Variants in NRP1 observed in about 807,000 individuals in gnomAD.
NRP1 encodes the protein neuropilin 1.
Under a neutral mutation model 106.7 loss-of-function variants are expected in NRP1, and 35 were observed. The ratio of observed to expected loss-of-function variants is 0.33; its 90% CI spans 0.25 to 0.43. NRP1 has a LOEUF of 0.43. Among genes scored for constraint, NRP1 ranks in the 20% least tolerant of loss-of-function variants. The pLI is 1.00. For missense variants in NRP1, 1,024 were observed against 1,170.4 expected, an observed-to-expected ratio of 0.87 and a Z score of 1.83; for synonymous variants, 437 against 417.9, an observed-to-expected ratio of 1.05 and a Z score of -0.56.
chr10:33,224,548 C>CTTTTTTT (rs34104704), intron 7 of NRP1, among the ~76,000 whole-genome samples: 2 of 143,160 alleles, frequency 1.4e-5, no homozygotes, highest in Non-Finnish European at 3.0e-5. Flanking sequence ...CCATTTTGTT[C>CTTTTTTT]TTTTTTTTTT....
intron 2 of NRP1, among the ~76,000 whole-genome samples, chr10:33,287,484 G>C (rs921521952): frequency 3.9e-5 from 6 of 152,184 alleles, no homozygotes; most frequent in African/African-American, 1.4e-4. Context: ...TATTTACATA[G>C]CCCATTTTTC....
At chr10:33,270,191 C>T (rs1194811480) in intron 3 of NRP1, among the ~76,000 whole-genome samples, 4 of 152,012 alleles carry the variant, frequency 2.6e-5, no homozygotes, top group Admixed American at 6.6e-5. Context: ...TTCCTCCATA[C>T]AATGGGTAAT....
intron 4 of NRP1, among the ~76,000 whole-genome samples, chr10:33,258,128 C>G (rs1302463774): frequency 6.6e-6 from 1 of 152,174 alleles, no homozygotes; most frequent in African/African-American, 2.4e-5. Context: ...GAACTGGTCT[C>G]CCTGAAGCCC....
chr10:33,330,812 A>G lies in NRP1; in HGVS notation c.144T>C (p.Tyr48=). Residue 48 remains tyrosine, a synonymous_variant, in exon 2 of 17, where the codon TAT becomes TAC. Coordinates refer to ENST00000374867, the MANE Select transcript of NRP1 (RefSeq NM_003873.7). The stretch of plus-strand genomic sequence containing the variant: ...GCCATTCGCATTTTTCACTTGGGTG[A>G]TAAGAATGAGGATAACCAGGAGATG... ...YLTSPGYPHS[Y]HPSEKCEWLI... is the part of the protein sequence containing the mutation. The G allele has an allele frequency of 1.9e-6, 3 of 1,613,910 alleles. No individual in the cohort carries two copies. The highest frequency in any genetic ancestry group is 2.7e-5 in the African/African-American group (2 of 75,056).
chr10:33,281,629 C>G (rs1022877568), intron 2 of NRP1, among the ~76,000 whole-genome samples: 1 of 152,142 alleles, frequency 6.6e-6, no homozygotes, highest in African/African-American at 2.4e-5. Context: ...GTCAATCTGT[C>G]CTCACACTGC....
chr10:33,282,240 A>G (rs999764077), intron 2 of NRP1, among the ~76,000 whole-genome samples: 2 of 152,142 alleles, frequency 1.3e-5, no homozygotes, highest in Non-Finnish European at 2.9e-5. Context: ...GAATTTGCTC[A>G]AAAAGCCCCC....
At chr10:33,277,973 T>A (rs1296819843) in intron 2 of NRP1, among the ~76,000 whole-genome samples, 1 of 152,222 alleles carries the variant, frequency 6.6e-6, no homozygotes, top group Non-Finnish European at 1.5e-5. Context: ...TTTTACTTTT[T>A]GTGACACTTC....
chr10:33,305,002 A>C (rs1846049016), intron 2 of NRP1, among the ~76,000 whole-genome samples: 1 of 152,234 alleles, frequency 6.6e-6, no homozygotes. Context: ...GCTGTAGAGC[A>C]TTGTGCTCCA....
At chr10:33,300,645 A>T (rs1345855778) in intron 2 of NRP1, among the ~76,000 whole-genome samples, 3 of 152,210 alleles carry the variant, frequency 2.0e-5, no homozygotes, top group Non-Finnish European at 2.9e-5. Flanking sequence ...CTCCCATTGT[A>T]TTCAAAGTCA....
At chr10:33,301,188 G>A (rs1564469224) in intron 2 of NRP1, among the ~76,000 whole-genome samples, 1 of 152,192 alleles carries the variant, frequency 6.6e-6, no homozygotes, top group Non-Finnish European at 1.5e-5. Context: ...GAGGAGCAGA[G>A]TTTGGTGCAT....
rs574523635 is a variant in NRP1 at position 33,207,965 on chromosome 10, G to A, written c.1615-249C>T. 9.0e-4 allele frequency among the ~76,000 whole-genome samples: 137 copies of A among 151,912 alleles called. 1 individual carries two copies. Among genetic ancestry groups the A allele is most frequent in the Admixed American group, 4.5e-3 (69 of 15,242 alleles). Reference sequence around the variant, plus strand: ...TTTTGAGATGGGGTCTCACTCTGTCGCCCAGGGTGGAGTGCAATGATGTGA... The same window carrying A: ...TTTTGAGATGGGGTCTCACTCTGTCACCCAGGGTGGAGTGCAATGATGTGA... On this transcript the variant is annotated intron_variant, in intron 9 of 16. Transcript: ENST00000374867.
intron 2 of NRP1, among the ~76,000 whole-genome samples, chr10:33,292,471 T>C (rs1373220678): frequency 6.6e-6 from 1 of 152,220 alleles, no homozygotes; most frequent in East Asian, 1.9e-4. Flanking sequence ...TTTTGAAGTG[T>C]TCTGATGGTC....
chr10:33,256,434 T>C lies in NRP1; in HGVS notation c.696A>G (p.Thr232=), dbSNP rs760928807. 15 of 1,614,008 alleles carry C rather than the reference T, an allele frequency of 9.3e-6. No homozygotes were observed. In the South Asian group the frequency reaches 1.5e-4, roughly 17 times the overall value. ...CCGATGAGGATCGGATTCGACCTGG[T>C]GTTTTCTGTCCACAGTAACGCCCAA... The part of the protein sequence containing the change: ...PHIGRYCGQK[T]PGRIRSSSGI... The change falls in exon 5 of 17, where the codon ACA becomes ACG. Residue 232 remains threonine (T), a synonymous_variant. Coordinates refer to ENST00000374867, the MANE Select transcript of NRP1 (RefSeq NM_003873.7).
intron 12 of NRP1, among the ~76,000 whole-genome samples, chr10:33,196,981 T>C (rs949297637): frequency 1.3e-5 from 2 of 152,200 alleles, no homozygotes; most frequent in African/African-American, 4.8e-5. Context: ...TTTCCCTTCA[T>C]GTACGTCTGC....
chr10:33,229,848 T>G (rs1458789532), intron 6 of NRP1, among the ~76,000 whole-genome samples: 3 of 152,072 alleles, frequency 2.0e-5, no homozygotes, highest in Non-Finnish European at 4.4e-5. Context: ...AGCAATGAAA[T>G]GCATTGGCAA....
intron 5 of NRP1, among the ~76,000 whole-genome samples, chr10:33,255,649 A>T (rs777451285): frequency 3.3e-5 from 5 of 152,122 alleles, no homozygotes; most frequent in African/African-American, 1.2e-4. Context: ...TCAGGTTCGC[A>T]TTATATTGCC....
chr10:33,222,391 A>C (rs1839317487), intron 7 of NRP1, among the ~76,000 whole-genome samples: 1 of 152,166 alleles, frequency 6.6e-6, no homozygotes, highest in Non-Finnish European at 1.5e-5. Flanking sequence ...GCGTGACTTT[A>C]ATCCTTTTTT....
chr10:33,224,725 C>T (rs55681146), intron 7 of NRP1, among the ~76,000 whole-genome samples: 1 of 152,052 alleles, frequency 6.6e-6, no homozygotes, highest in East Asian at 1.9e-4. Flanking sequence ...TCCCACATAC[C>T]CCGCTACCGA....
At chr10:33,202,767 C>A (rs760908921) in intron 11 of NRP1, 124 bp downstream of exon 11, 2 of 1,584,506 alleles carry the variant, frequency 1.3e-6, no homozygotes, top group South Asian at 1.1e-5. Flanking sequence ...TCTGGCAAGG[C>A]AGCTTCTATT....
Sources: gnomAD v4.1 joint callset for allele counts (sites outside exome capture counted in the v4.1 genomes callset) on GRCh38, gnomAD v4.1.1 for gene constraint, MANE v1.5 for transcripts, NCBI Gene and HGNC (gene_info 2026-07-23, HGNC 2026-07-21) for gene names.